The following ACTN2 variants were observed in gnomAD, a reference collection of about 807,000 sequenced individuals.
The protein encoded by ACTN2 is alpha-actinin-2.
Under a neutral mutation model 113.8 loss-of-function variants are expected in ACTN2, and 39 were observed. The observed-to-expected ratio is 0.34, with a 90% CI of 0.27 to 0.45. ACTN2 has a LOEUF of 0.45. Among genes scored for constraint, ACTN2 ranks in the 20% least tolerant of loss-of-function variants. The pLI is 1.00. For synonymous variants in ACTN2, 429 were observed against 444.1 expected (o/e 0.97, Z 0.43); for missense variants, 992 against 1,177.9 (o/e 0.84, Z 2.31).
intron 4 of ACTN2, among the ~76,000 whole-genome samples, chr1:236,724,982 A>G (rs534674370): frequency 6.6e-6 from 1 of 152,118 alleles, no homozygotes; most frequent in Non-Finnish European, 1.5e-5. Context: ...TTTACCTAAG[A>G]GTATGAATTA....
intron 12 of ACTN2, among the ~76,000 whole-genome samples, chr1:236,745,584 A>G (rs1003243454): frequency 4.6e-5 from 7 of 152,132 alleles, no homozygotes; most frequent in Non-Finnish European, 8.8e-5. Flanking sequence ...CTGACACGAC[A>G]TTTGAGCCTA....
At chr1:236,726,310 C>T (rs1572120502) in intron 5 of ACTN2, among the ~76,000 whole-genome samples, 1 of 152,250 alleles carries the variant, frequency 6.6e-6, no homozygotes, top group East Asian at 1.9e-4. Flanking sequence ...CTAGCCTTCA[C>T]CCTGGTATTG....
At chr1:236,724,578 C>T (rs1311127208) in intron 4 of ACTN2, among the ~76,000 whole-genome samples, 1 of 152,196 alleles carries the variant, frequency 6.6e-6, no homozygotes, top group Non-Finnish European at 1.5e-5. Flanking sequence ...TTAATTTCGC[C>T]AGGCTGATGG....
rs727505177 is a variant in ACTN2, at chr1:236,762,577, C to T, written c.2643C>T (p.Tyr881=). The change falls in exon 21 of 21, where the codon TAC becomes TAT. Residue 881 remains tyrosine, a synonymous_variant. Transcript: ENST00000366578. ...GCAGTGTGCCTGGTGCACTGGATTA[C>T]GCTGCGTTCTCTTCCGCACTCTACG... ...GPGSVPGALD[Y]AAFSSALYGE... is the part of the protein sequence containing the mutation. 3.5e-5 allele frequency: 57 copies of T among 1,614,038 alleles called. No individual in the cohort carries two copies. The highest frequency in any genetic ancestry group is 4.7e-5 in the Non-Finnish European group (56 of 1,180,034).
chr1:236,699,076 T>C (rs1296099909), intron 1 of ACTN2, among the ~76,000 whole-genome samples: 1 of 152,230 alleles, frequency 6.6e-6, no homozygotes, highest in Non-Finnish European at 1.5e-5. Flanking sequence ...ATTTTTGGTC[T>C]GAAAGTGGTA....
intron 1 of ACTN2, among the ~76,000 whole-genome samples, chr1:236,705,675 T>C (rs1316405851): frequency 1.3e-5 from 2 of 152,274 alleles, no homozygotes; most frequent in Non-Finnish European, 2.9e-5. Flanking sequence ...CATAGATTTT[T>C]CCCTGTATAA....
At chr1:236,752,394 C>T (rs968981686) in intron 15 of ACTN2, among the ~76,000 whole-genome samples, 6 of 148,058 alleles carry the variant, frequency 4.1e-5, no homozygotes, top group African/African-American at 1.3e-4. Context: ...AGTATTTATC[C>T]GAGAAACAGT....
intron 1 of ACTN2, among the ~76,000 whole-genome samples, chr1:236,703,582 G>T (rs945596131): frequency 2.6e-5 from 4 of 151,258 alleles, no homozygotes; most frequent in African/African-American, 9.7e-5. Flanking sequence ...CTTAACTCTT[G>T]AATTTAACAG....
intron 1 of ACTN2, among the ~76,000 whole-genome samples, chr1:236,689,492 G>A (rs1239913191): frequency 1.3e-5 from 2 of 151,566 alleles, no homozygotes; most frequent in African/African-American, 4.8e-5. Context: ...TGACGTCAAG[G>A]CATGCACCAC....
intron 1 of ACTN2, among the ~76,000 whole-genome samples, chr1:236,715,758 C>T (rs1318373081): frequency 6.6e-6 from 1 of 152,046 alleles, no homozygotes; most frequent in Non-Finnish European, 1.5e-5. Flanking sequence ...GAGTTTAAGA[C>T]CAGTCTGGCC....
At chr1:236,712,339 T>G (rs1433747162) in intron 1 of ACTN2, among the ~76,000 whole-genome samples, 1 of 152,190 alleles carries the variant, frequency 6.6e-6, no homozygotes, top group Non-Finnish European at 1.5e-5. Context: ...ACTGGGCTCT[T>G]TATAAGCTAT....
At chr1:236,712,630 G>A (rs1179423485) in intron 1 of ACTN2, among the ~76,000 whole-genome samples, 1 of 152,128 alleles carries the variant, frequency 6.6e-6, no homozygotes, top group Non-Finnish European at 1.5e-5. Flanking sequence ...CTGCACTCCA[G>A]CCTGGGTGAC....
chr1:236,745,939 T>A (rs575100927), intron 12 of ACTN2, among the ~76,000 whole-genome samples: 2 of 151,826 alleles, frequency 1.3e-5, no homozygotes, highest in East Asian at 1.9e-4. Context: ...TGAGGTGGGC[T>A]GATCACGAGG....
chr1:236,715,561 G>T (rs1658173380), intron 1 of ACTN2, among the ~76,000 whole-genome samples: 1 of 151,906 alleles, frequency 6.6e-6, no homozygotes, highest in Non-Finnish European at 1.5e-5. Context: ...CATGACTTGT[G>T]CAACTGAGGA....
chr1:236,733,968 C>T (rs894892877), intron 7 of ACTN2, among the ~76,000 whole-genome samples: 1 of 152,168 alleles, frequency 6.6e-6, no homozygotes, highest in Non-Finnish European at 1.5e-5. Flanking sequence ...AAAATTGTTT[C>T]TCTATTTCCC....
chr1:236,717,440 C>T (rs1195628885), intron 1 of ACTN2, among the ~76,000 whole-genome samples: 2 of 151,974 alleles, frequency 1.3e-5, no homozygotes, highest in Admixed American at 1.3e-4. Flanking sequence ...ACCCTGTCTC[C>T]AAAACAAAAC....
intron 11 of ACTN2, among the ~76,000 whole-genome samples, chr1:236,743,307 C>T (rs1052281232): frequency 6.6e-6 from 1 of 152,208 alleles, no homozygotes; most frequent in African/African-American, 2.4e-5. Context: ...TAAGGCCTGG[C>T]CTCCTTCCAT....
chr1:236,721,073 G>A (rs1462043923), intron 4 of ACTN2, among the ~76,000 whole-genome samples: 3 of 113,634 alleles, frequency 2.6e-5, no homozygotes, highest in Non-Finnish European at 5.3e-5. Context: ...TGGCACCCAG[G>A]CTGGAGTTCA....
chr1:236,743,766 C>T lies in ACTN2; in HGVS notation c.1255+723C>T, dbSNP rs1265152361. ...TAGTTACAAGCAAGGAAGCTGGAGC[C>T]AGGTGGGTTGGAGGCACAGTTCTGA... is the stretch of plus-strand genomic sequence containing the variant. On this transcript the variant is annotated intron_variant, in intron 11 of 20. Coordinates refer to ENST00000366578, the MANE Select transcript of ACTN2 (RefSeq NM_001103.4). Among the ~76,000 whole-genome samples the T allele has an allele frequency of 3.9e-5, 6 of 152,200 alleles. No individual in the cohort carries two copies. In the East Asian group the frequency reaches 7.7e-4, roughly 20 times the overall value.
Sources: gnomAD v4.1 joint callset for allele counts (sites outside exome capture counted in the v4.1 genomes callset) on GRCh38, gnomAD v4.1.1 for gene constraint, MANE v1.5 for transcripts, NCBI Gene and HGNC (gene_info 2026-07-23, HGNC 2026-07-21) for gene names.